The following AQR variants were observed in gnomAD, a reference collection of about 807,000 sequenced individuals.
The protein encoded by AQR is aquarius intron-binding spliceosomal factor.
A neutral mutation model predicts 180.5 loss-of-function variants in AQR; 61 were observed. That is an observed-to-expected ratio of 0.34 (90% CI 0.28 to 0.42). The LOEUF is 0.42. Ranked by LOEUF, AQR falls within the 10% of genes least tolerant of loss-of-function variation. The probability of loss-of-function intolerance (pLI) is 1.00; values close to 1 mark genes in which losing one functional copy is unlikely to be tolerated. For synonymous variants in AQR, 551 were observed against 588.8 expected (o/e 0.94, Z 0.93); for missense variants, 1,281 against 1,798.3 (o/e 0.71, Z 5.20).
chr15:34,930,332 T>G lies in AQR; in HGVS notation c.940A>C (p.Asn314His). The G allele has an allele frequency of 1.2e-6, 2 of 1,610,866 alleles. No individual in the cohort carries two copies. Among genetic ancestry groups the G allele is most frequent in the Non-Finnish European group, 1.7e-6 (2 of 1,177,848 alleles). ...GTCAGAGCATTTCCAGTTTGGTCAT[T>G]AATTTCAAAACCAGTATAGAATTTA... ...MLKFYTGFEI[N>H]DQTGNALTEN... Residue 314 changes from asparagine (N) to histidine (H), a missense_variant, in exon 12 of 35, where the codon AAT becomes CAT. Around this residue, in one of 9 missense-constraint regions of AQR, gnomAD observed 404 missense variants for 490.9 expected, o/e 0.82. Transcript: ENST00000156471.
chr15:34,963,170 G>A (rs755292384), intron 2 of AQR, among the ~76,000 whole-genome samples: 9 of 151,682 alleles, frequency 5.9e-5, no homozygotes, highest in Non-Finnish European at 5.9e-5. Context: ...TTGTAAAGGC[G>A]AGATCTCACT....
chr15:34,929,074 T>C (rs769617361), intron 12 of AQR, among the ~76,000 whole-genome samples: 1 of 152,216 alleles, frequency 6.6e-6, no homozygotes, highest in Non-Finnish European at 1.5e-5. Context: ...AAGTTCCTTA[T>C]AAATTCTGGA....
intron 30 of AQR, 23 bp downstream of exon 30, chr15:34,873,805 A>G (rs772705373): frequency 2.7e-5 from 41 of 1,535,140 alleles, no homozygotes; most frequent in Non-Finnish European, 3.3e-5. Flanking sequence ...AAATAAACTT[A>G]TAAGCTTCCT....
At chr15:34,936,995 T>C (rs910190229) in intron 9 of AQR, among the ~76,000 whole-genome samples, 8 of 152,176 alleles carry the variant, frequency 5.3e-5, no homozygotes, top group Admixed American at 4.6e-4. Context: ...AAGATTTAGA[T>C]ATACTAACAT....
chr15:34,881,966 C>T (rs1892978620), intron 27 of AQR, among the ~76,000 whole-genome samples: 1 of 151,984 alleles, frequency 6.6e-6, no homozygotes, highest in Non-Finnish European at 1.5e-5. Flanking sequence ...CCACCATGCT[C>T]AGCTAGTTTT....
intron 4 of AQR, among the ~76,000 whole-genome samples, chr15:34,950,271 G>T (rs1449994155): frequency 6.6e-6 from 1 of 151,710 alleles, no homozygotes; most frequent in Non-Finnish European, 1.5e-5. Context: ...TGTATTTTTA[G>T]TAGAGACAGG....
At chr15:34,879,867 G>C (rs192479029) in intron 27 of AQR, among the ~76,000 whole-genome samples, 1 of 152,204 alleles carries the variant, frequency 6.6e-6, no homozygotes, top group Admixed American at 6.5e-5. Context: ...ACAGAAAGTG[G>C]GAATTATGTC....
At chr15:34,875,842 G>T in intron 28 of AQR, 93 bp downstream of exon 28, 1 of 904,058 alleles carries the variant, frequency 1.1e-6, no homozygotes, top group Non-Finnish European at 1.8e-6. Flanking sequence ...CATAACTATG[G>T]CAATCAGCAC....
At chr15:34,912,052 C>T (rs1216428726) in intron 16 of AQR, among the ~76,000 whole-genome samples, 1 of 152,082 alleles carries the variant, frequency 6.6e-6, no homozygotes, top group Non-Finnish European at 1.5e-5. Flanking sequence ...CCATTGTATA[C>T]TCTTGGCACA....
Position 34,906,546 on chromosome 15 carries a change from A to T in AQR, c.1830T>A (p.Asp610Glu), listed in dbSNP as rs769044082. ...MLDDKGRVIE[D>E]GPEPRPNLRG... ...TTTCAAAAATATAGGTCACCATACC[A>T]TCTTCAATGACACGTCCTTTATCAT... is the stretch of plus-strand genomic sequence containing the variant. Residue 610 changes from aspartate (D) to glutamate (E), a missense_variant and splice_region_variant, in exon 18 of 35, where the codon GAT (aspartate) becomes GAA (glutamate). Around this residue, in one of 9 missense-constraint regions of AQR, gnomAD observed 200 missense variants for 293.4 expected, o/e 0.68. Transcript: ENST00000156471. 1 of 1,613,902 alleles carries T rather than the reference A, an allele frequency of 6.2e-7. No homozygotes were observed. Among genetic ancestry groups the T allele is most frequent in the Non-Finnish European group, 8.5e-7 (1 of 1,179,846 alleles).
intron 9 of AQR, among the ~76,000 whole-genome samples, chr15:34,938,482 G>A (rs1272701899): frequency 6.6e-6 from 1 of 152,018 alleles, no homozygotes; most frequent in Non-Finnish European, 1.5e-5. Flanking sequence ...GCAGTGAGCC[G>A]AGATCATGCC....
chr15:34,858,147 C>T (rs1302961423), intron 34 of AQR, among the ~76,000 whole-genome samples: 2 of 151,850 alleles, frequency 1.3e-5, no homozygotes, highest in African/African-American at 4.8e-5. Flanking sequence ...CCATGCCTGG[C>T]TAATTTTTGT....
Position 34,882,076 on chromosome 15 carries a change from G to A in AQR, c.3165+426C>T, listed in dbSNP as rs566961869. 9.2e-5 allele frequency among the ~76,000 whole-genome samples: 14 copies of A among 152,256 alleles called. 1 individual carries two copies. The South Asian group carries it at 2.9e-3, about 32-fold the overall frequency. On this transcript the variant is annotated intron_variant, in intron 27 of 34. Transcript: ENST00000156471. ...CCACCTTGGCCTCCTAAAGTGCTGG[G>A]ATTACAGGCATGAGCCACCACACCT...
intron 33 of AQR, among the ~76,000 whole-genome samples, chr15:34,860,856 C>CTA (rs1200152139): frequency 6.6e-6 from 1 of 152,084 alleles, no homozygotes; most frequent in Non-Finnish European, 1.5e-5. Context: ...GGCTCCAGCC[C>CTA]TATAGATTCA....
At chr15:34,939,144 C>T (rs1040305595) in intron 8 of AQR, among the ~76,000 whole-genome samples, 2 of 152,244 alleles carry the variant, frequency 1.3e-5, no homozygotes, top group African/African-American at 2.4e-5. Flanking sequence ...TTTCAGCTCA[C>T]TGCAACCTCT....
intron 16 of AQR, among the ~76,000 whole-genome samples, chr15:34,912,964 T>C (rs1326716981): frequency 1.3e-5 from 2 of 152,200 alleles, no homozygotes; most frequent in Admixed American, 1.3e-4. Flanking sequence ...GGACAATGTC[T>C]AAAAGGAATT....
At chr15:34,918,982 T>C (rs1395750970) in intron 14 of AQR, among the ~76,000 whole-genome samples, 1 of 152,222 alleles carries the variant, frequency 6.6e-6, no homozygotes. Context: ...CTCATGCCTT[T>C]AATCCCAGCA....
intron 24 of AQR, 146 bp from the exon 25 acceptor site, chr15:34,886,807 T>C (rs1051890432): frequency 1.2e-6 from 1 of 867,480 alleles, no homozygotes; most frequent in African/African-American, 1.7e-5. Flanking sequence ...TGGTGGTAGT[T>C]CTTGGGTTAC....
intron 27 of AQR, among the ~76,000 whole-genome samples, chr15:34,880,065 T>C (rs1194544606): frequency 6.6e-6 from 1 of 152,090 alleles, no homozygotes; most frequent in Non-Finnish European, 1.5e-5. Context: ...AACAAAAATG[T>C]AAAACAAAAT....
Sources: allele counts gnomAD v4.1 joint callset (sites outside exome capture counted in the v4.1 genomes callset), GRCh38; gene constraint gnomAD v4.1.1; regional missense constraint gnomAD v4.1.1; transcripts MANE v1.5; gene names NCBI Gene and HGNC (gene_info 2026-07-23, HGNC 2026-07-21).